Variants in EXOC3L2 observed in about 807,000 individuals in gnomAD.
The protein encoded by EXOC3L2 is exocyst complex component 3-like protein 2.
A neutral mutation model predicts 44.4 loss-of-function variants in EXOC3L2; 17 were observed. The ratio of observed to expected loss-of-function variants is 0.38; its 90% CI spans 0.26 to 0.57. EXOC3L2 has a LOEUF of 0.57. EXOC3L2 is among the 20% of genes least tolerant of loss of function. The pLI is 0.65. For synonymous variants in EXOC3L2, 256 were observed against 253.7 expected, an observed-to-expected ratio of 1.01 and a Z score of -0.09; for missense variants, 541 against 588.4, an observed-to-expected ratio of 0.92 and a Z score of 0.83.
chr19:45,216,228 C>T, intron 10 of EXOC3L2, 34 bp from the exon 11 acceptor site: 2 of 1,609,246 alleles, frequency 1.2e-6, no homozygotes, highest in Non-Finnish European at 1.7e-6. Flanking sequence ...GTCACACCCT[C>T]CCAAGATTGA....
Position 45,212,998 on chromosome 19 carries a change from G to A in EXOC3L2, c.*71C>T. On this transcript the variant is annotated 3_prime_UTR_variant, in exon 12 of 12. Coordinates refer to ENST00000413988, the MANE Select transcript of EXOC3L2 (RefSeq NM_001382422.1). ...TGTGGTCCCAGGCAGGGAGTCAGGA[G>A]GGGCGCCGTACGGGAGGTTGGCTTG... 2.1e-6 allele frequency: 3 copies of A among 1,403,542 alleles called. No homozygotes were observed. The highest frequency in any genetic ancestry group is 2.7e-5 in the East Asian group (1 of 36,768). The allele number at this position is 1,403,542 out of a possible 1,614,324, so 86.9% of individuals were successfully genotyped here.
Position 45,225,241 on chromosome 19 carries a change from G to C in EXOC3L2, c.1584-328C>G, listed in dbSNP as rs114851872. Among the ~76,000 whole-genome samples, 501 of 151,900 alleles carry C rather than the reference G, an allele frequency of 3.3e-3. 4 individuals carry two copies. Among genetic ancestry groups the C allele is most frequent in the African/African-American group, 0.011 (472 of 41,438 alleles). ...CTCTTGGTGCTTTCTGGGTGAGAGT[G>C]TGGAGGCCTCCATTCTAAAAGTCTG... On this transcript the variant is annotated intron_variant, in intron 7 of 11. Coordinates refer to ENST00000413988, the MANE Select transcript of EXOC3L2 (RefSeq NM_001382422.1).
intron 1 of EXOC3L2, among the ~76,000 whole-genome samples, chr19:45,242,823 C>T (rs1970140736): frequency 6.9e-6 from 1 of 144,502 alleles, no homozygotes; most frequent in African/African-American, 2.6e-5. Context: ...GACTGTGCCA[C>T]TGCACTCCAG....
intron 11 of EXOC3L2, among the ~76,000 whole-genome samples, chr19:45,215,550 T>G (rs1311444591): frequency 6.6e-6 from 1 of 152,122 alleles, no homozygotes; most frequent in Non-Finnish European, 1.5e-5. Context: ...GAACTGGAAT[T>G]GTTACTATAG....
At chr19:45,215,951 G>A (rs1224439752) in intron 11 of EXOC3L2, 122 bp downstream of exon 11, 22 of 1,385,674 alleles carry the variant, frequency 1.6e-5, no homozygotes, top group Middle Eastern at 2.0e-4. Flanking sequence ...AGCAGGAAAC[G>A]GCCGTCAGAC....
chr19:45,218,211 C>T lies in EXOC3L2; in HGVS notation c.1828G>A (p.Asp610Asn), dbSNP rs778018774. The T allele has an allele frequency of 6.9e-7, 1 of 1,451,700 alleles. No individual in the cohort carries two copies. The highest frequency in any genetic ancestry group is 9.2e-7 in the Non-Finnish European group (1 of 1,082,816). 89.9% of individuals were successfully genotyped at this position (1,451,700 alleles called of 1,614,324 possible). The change falls in exon 9 of 12, where the codon GAC (aspartate) becomes AAC (asparagine). Residue 610 changes from aspartate to asparagine, a missense_variant. By Grantham distance (23) the Asp-to-Asn change is conservative (BLOSUM62 1). Transcript: ENST00000413988. ...GGCAGGTGCACCTGGTAAGGCTCGT[C>T]CTGCATTCTGCGCAGGGCCAGGGCC... ...AQALALRRMQ[D>N]EPYQALVAEL...
intron 10 of EXOC3L2, 111 bp downstream of exon 10, chr19:45,217,417 T>C: frequency 1.5e-6 from 2 of 1,301,716 alleles, no homozygotes; most frequent in South Asian, 1.7e-5. Flanking sequence ...TGGGTGAGAG[T>C]TTCTGTCCTG....
chr19:45,218,064 T>C, intron 9 of EXOC3L2, 133 bp downstream of exon 9: 1 of 1,278,864 alleles, frequency 7.8e-7, no homozygotes, highest in Non-Finnish European at 1.0e-6. Context: ...CTCCCCACCT[T>C]AGAGGGGTTT....
At chr19:45,237,873 G>A (rs923588420) in intron 2 of EXOC3L2, among the ~76,000 whole-genome samples, 4 of 152,198 alleles carry the variant, frequency 2.6e-5, no homozygotes, top group Non-Finnish European at 4.4e-5. Context: ...GCCACACGCC[G>A]TGGCTCAAGC....
In EXOC3L2 at chr19:45,221,474, G is replaced by A. The variant is rs184287728; in HGVS notation, c.1720-3155C>T. Among the ~76,000 whole-genome samples, 254 of 151,938 alleles carry A rather than the reference G, an allele frequency of 1.7e-3. 1 individual carries two copies. The highest frequency in any genetic ancestry group is 6.8e-3 in the Middle Eastern group (2 of 294). On this transcript the variant is annotated intron_variant, in intron 8 of 11. Transcript: ENST00000413988. Reference sequence around the variant, plus strand: ...AAGTGATTCTCCTGCCTACTCTCCTGAGTAGCTGGGGCTACAGGCACGTGC... The same window carrying A: ...AAGTGATTCTCCTGCCTACTCTCCTAAGTAGCTGGGGCTACAGGCACGTGC...
In EXOC3L2 at chr19:45,232,923, C is replaced by CA. The variant is rs961799787; in HGVS notation, c.1158-1050dup. 1.4e-4 allele frequency among the ~76,000 whole-genome samples: 22 copies of CA among 152,064 alleles called. 1 individual carries two copies. Among genetic ancestry groups the CA allele is most frequent in the African/African-American group, 5.1e-4 (21 of 41,516 alleles). On this transcript the variant is annotated intron_variant, in intron 3 of 11. Coordinates refer to ENST00000413988, the MANE Select transcript of EXOC3L2 (RefSeq NM_001382422.1). ...TAAAACCCCGCCTCTACTAAAAATA[C>CA]AAAAAAATTAGGCCGGGCACAGTGG...
chr19:45,228,081 G>C lies in EXOC3L2; in HGVS notation c.1372-7C>G, dbSNP rs346767. ...CTGTGTGCTCTTCCAGCAGCTGTGA[G>C]GTCCAGGGCGACAAGAAGAGGTGAG... is the stretch of plus-strand genomic sequence containing the variant. On this transcript the variant is annotated splice_region_variant and splice_polypyrimidine_tract_variant and intron_variant, in intron 5 of 11. Coordinates refer to ENST00000413988, the MANE Select transcript of EXOC3L2 (RefSeq NM_001382422.1). 30,364 of 1,613,824 alleles carry C rather than the reference G, an allele frequency of 0.019. 394 individuals are homozygous for C. The highest frequency in any genetic ancestry group is 0.051 in the African/African-American group (3,860 of 75,014).
intron 1 of EXOC3L2, among the ~76,000 whole-genome samples, 155 bp from the exon 2 acceptor site, chr19:45,239,216 C>CTTTTTTT: frequency 8.2e-6 from 1 of 122,618 alleles, no homozygotes. Context: ...AAGATGGGGA[C>CTTTTTTT]TTTTTTTTTT....
chr19:45,242,293 C>T (rs1387130087), intron 1 of EXOC3L2, among the ~76,000 whole-genome samples: 1 of 152,176 alleles, frequency 6.6e-6, no homozygotes, highest in Non-Finnish European at 1.5e-5. Context: ...GAGACAGGAT[C>T]TCACTCTGTT....
chr19:45,216,242 T>G (rs780503055), intron 10 of EXOC3L2, 48 bp from the exon 11 acceptor site: 18 of 1,598,702 alleles, frequency 1.1e-5, no homozygotes, highest in Non-Finnish European at 1.4e-5. Context: ...AGATTGACCC[T>G]GCCAATTCCT....
rs572993549 is a variant in EXOC3L2, at chr19:45,218,058, C to T, written c.1842+139G>A. The T allele has an allele frequency of 9.6e-5, 119 of 1,239,904 alleles. 1 individual carries two copies. The African/African-American group carries it at 1.3e-3, about 13-fold the overall frequency. The allele number at this position is 1,239,904 out of a possible 1,614,324, so 76.8% of individuals were successfully genotyped here. On this transcript the variant is annotated intron_variant, in intron 9 of 11. Coordinates refer to ENST00000413988, the MANE Select transcript of EXOC3L2 (RefSeq NM_001382422.1). ...TCTCCCATCCACAGGGAGCCGCTCC[C>T]CACCTTAGAGGGGTTTCCTCCAGCA...
chr19:45,239,462 T>C (rs1322627287), intron 1 of EXOC3L2, among the ~76,000 whole-genome samples: 2 of 151,868 alleles, frequency 1.3e-5, no homozygotes, highest in East Asian at 3.9e-4. Context: ...GTGATCCACC[T>C]GCCTCGGCCT....
Position 45,218,436 on chromosome 19 carries a change from C to G in EXOC3L2, c.1720-117G>C, listed in dbSNP as rs907446501. On this transcript the variant is annotated intron_variant, in intron 8 of 11. Coordinates refer to ENST00000413988, the MANE Select transcript of EXOC3L2 (RefSeq NM_001382422.1). Reference sequence around the variant, plus strand: ...AACCAGGGCTGTGCGGTGCTGGGAACACAAGGGGAAGAGATAGCCCCAGCC... The same window carrying G: ...AACCAGGGCTGTGCGGTGCTGGGAAGACAAGGGGAAGAGATAGCCCCAGCC... 46 of 1,295,854 alleles carry G rather than the reference C, an allele frequency of 3.5e-5. No homozygotes were observed. In the Admixed American group the frequency reaches 5.0e-4, roughly 14 times the overall value. 80.3% of individuals were successfully genotyped at this position (1,295,854 alleles called of 1,614,324 possible). A position where few individuals can be genotyped will look rare whatever the true frequency, so the allele number is the denominator to read the frequency against.
Position 45,213,365 on chromosome 19 carries a change from G to T in EXOC3L2, c.2121-8C>A. ...GCTGCCACGTGCTTCTGCCTGTGGG[G>T]AGAGGAACAGACAGGTGCATGCAGA... On this transcript the variant is annotated splice_polypyrimidine_tract_variant and splice_region_variant and intron_variant, in intron 11 of 11. Transcript: ENST00000413988. The T allele has an allele frequency of 6.2e-7, 1 of 1,612,878 alleles. No homozygotes were observed. The highest frequency in any genetic ancestry group is 1.3e-5 in the African/African-American group (1 of 74,990).
Sources: gnomAD v4.1 joint callset for allele counts (sites outside exome capture counted in the v4.1 genomes callset) on GRCh38, gnomAD v4.1.1 for gene constraint, MANE v1.5 for transcripts, NCBI Gene and HGNC (gene_info 2026-07-23, HGNC 2026-07-21) for gene names.